SERPIND1: variants seen among roughly 807,000 people sequenced by gnomAD.
SERPIND1 encodes the protein heparin cofactor 2.
In SERPIND1, 34 loss-of-function variants were observed where a neutral mutation model predicts 35.0. That is an observed-to-expected ratio of 0.97 (90% CI 0.74 to 1.29). The LOEUF is 1.29. Among genes scored for constraint, SERPIND1 ranks in the 50% most tolerant of loss-of-function variants. SERPIND1 has a pLI of 0.00. For missense variants in SERPIND1, 633 were observed against 637.7 expected, an observed-to-expected ratio of 0.99 and a Z score of 0.08; for synonymous variants, 236 against 241.1, an observed-to-expected ratio of 0.98 and a Z score of 0.19.
At chr22:20,786,805 A>G in intron 4 of SERPIND1, 70 bp from the exon 5 acceptor site, 2 of 1,425,676 alleles carry the variant, frequency 1.4e-6, no homozygotes, top group Non-Finnish European at 2.0e-6. Context: ...GAATGATATG[A>G]GATTGTGCTG....
Position 20,777,603 on chromosome 22 carries a change from C to CT in SERPIND1, c.-16-1692dup, listed in dbSNP as rs528896939. On this transcript the variant is annotated intron_variant, in intron 1 of 4. Transcript: ENST00000215727. ...TCCTGGGCTCAAGTGATCTTCCTGC[C>CT]TTGGTCTCCCAGTGTTGGGATTATA... Among the ~76,000 whole-genome samples, 223 of 152,348 alleles carry CT rather than the reference C, an allele frequency of 1.5e-3. 1 individual carries two copies. The highest frequency in any genetic ancestry group is 5.8e-3 in the South Asian group (28 of 4,824).
At chr22:20,781,806 G>A (rs921176396) in intron 2 of SERPIND1, among the ~76,000 whole-genome samples, 2 of 152,168 alleles carry the variant, frequency 1.3e-5, no homozygotes, top group East Asian at 1.9e-4. Context: ...GAGTCTAAGC[G>A]CTGGTTTCAC....
intron 2 of SERPIND1, among the ~76,000 whole-genome samples, chr22:20,783,224 T>C (rs1933933915): frequency 1.3e-5 from 2 of 152,142 alleles, no homozygotes; most frequent in East Asian, 3.8e-4. Flanking sequence ...TCTACAGTGG[T>C]GATCCTAAGG....
intron 2 of SERPIND1, among the ~76,000 whole-genome samples, chr22:20,780,494 G>A (rs934018705): frequency 1.3e-5 from 2 of 152,148 alleles, no homozygotes; most frequent in African/African-American, 2.4e-5. Context: ...TGGGCTGGGC[G>A]CGGTGGCTCA....
At chr22:20,780,786 A>C (rs1427434170) in intron 2 of SERPIND1, among the ~76,000 whole-genome samples, 2 of 151,302 alleles carry the variant, frequency 1.3e-5, no homozygotes, top group African/African-American at 2.4e-5. Context: ...AAAAAAAAAA[A>C]AAAAAGAAGT....
chr22:20,786,607 G>C (rs1331058640), intron 4 of SERPIND1, among the ~76,000 whole-genome samples: 2 of 152,188 alleles, frequency 1.3e-5, no homozygotes, highest in Admixed American at 1.3e-4. Context: ...TGGGGAGCTG[G>C]AGCTGGGGTG....
chr22:20,779,902 C>A lies in SERPIND1; in HGVS notation c.590C>A (p.Thr197Asn), dbSNP rs1018289806. ...VNASSKYEIT[T>N]IHNLFRKLTH... ...GCCAGCAGCAAGTATGAAATCACGA[C>A]CATTCATAATCTCTTCCGTAAGCTG... is the stretch of plus-strand genomic sequence containing the variant. The change falls in exon 2 of 5, where the codon ACC (threonine) becomes AAC (asparagine). Residue 197 changes from threonine to asparagine, a missense_variant. By Grantham distance (65) the Thr-to-Asn change is moderately conservative (BLOSUM62 0). Coordinates refer to ENST00000215727, the MANE Select transcript of SERPIND1 (RefSeq NM_000185.4). The A allele has an allele frequency of 4.3e-6, 7 of 1,614,078 alleles. No individual in the cohort carries two copies. In the African/African-American group the frequency reaches 5.3e-5, roughly 12 times the overall value.
chr22:20,774,593 T>C (rs1378867085), intron 1 of SERPIND1, among the ~76,000 whole-genome samples: 1 of 151,904 alleles, frequency 6.6e-6, no homozygotes, highest in Non-Finnish European at 1.5e-5. Context: ...AAGCCAAGTC[T>C]CTACTAAAAA....
intron 4 of SERPIND1, 45 bp from the exon 5 acceptor site, chr22:20,786,830 C>G (rs1392519089): frequency 2.5e-6 from 4 of 1,582,002 alleles, no homozygotes; most frequent in Admixed American, 1.7e-5. Context: ...CTCTAGCCCT[C>G]TGTGTGCTGA....
Position 20,784,085 on chromosome 22 carries a change from G to T in SERPIND1, c.1003G>T (p.Ala335Ser). ...GCAGACCAAGGGGAACTTCCTCGCA[G>T]CAAATGACCAGGAGCTGGACTGCGA... ...MMQTKGNFLA[A>S]NDQELDCDIL... Residue 335 changes from alanine (A) to serine (S), a missense_variant, in exon 3 of 5, where the codon GCA becomes TCA. By Grantham distance (99) the Ala-to-Ser change is moderately conservative. Transcript: ENST00000215727. The T allele has an allele frequency of 6.2e-7, 1 of 1,614,186 alleles. No individual in the cohort carries two copies. Among genetic ancestry groups the T allele is most frequent in the Non-Finnish European group, 8.5e-7 (1 of 1,180,038 alleles).
chr22:20,782,929 C>G (rs1933910461), intron 2 of SERPIND1, among the ~76,000 whole-genome samples: 1 of 152,214 alleles, frequency 6.6e-6, no homozygotes, highest in South Asian at 2.1e-4. Flanking sequence ...AAGACACCTC[C>G]TGCTCATCTC....
rs1320384763 is a variant in SERPIND1 at position 20,783,578 on chromosome 22, C to T, written c.890-394C>T. ...GCTGCAGTGAGCTATGATGGCATCG[C>T]CGCACTCCAGCCTGCATGACACAGT... On this transcript the variant is annotated intron_variant, in intron 2 of 4. Coordinates refer to ENST00000215727, the MANE Select transcript of SERPIND1 (RefSeq NM_000185.4). 2.0e-5 allele frequency among the ~76,000 whole-genome samples: 3 copies of T among 152,228 alleles called. No individual in the cohort carries two copies. In the East Asian group the frequency reaches 5.8e-4, roughly 29 times the overall value.
Position 20,787,064 on chromosome 22 carries a change from T to C in SERPIND1, c.1498T>C (p.Ter500GlnextTer44). The change falls in exon 5 of 5, where the codon TAG (stop) becomes CAG (glutamine). Residue 500 changes from the stop codon to glutamine (Q), a stop_lost. Coordinates refer to ENST00000215727, the MANE Select transcript of SERPIND1 (RefSeq NM_000185.4). ...AAGAGTGGCCAACCCCAGCAGGTCC[T>C]AGAGGTGGAGGTCTAGGTGTCTGAA... Reference protein sequence around the residue: ...MGRVANPSRS* With the variant: ...MGRVANPSRSQ 6.2e-7 allele frequency: 1 copy of C among 1,614,036 alleles called. No homozygotes were observed. The highest frequency in any genetic ancestry group is 8.5e-7 in the Non-Finnish European group (1 of 1,179,936).
At position 20,783,955 on chromosome 22, in the gene SERPIND1, TCCTGTGG is replaced by T; in HGVS notation, c.890-13_890-7del. On this transcript the variant is annotated splice_polypyrimidine_tract_variant and intron_variant, in intron 2 of 4. Coordinates refer to ENST00000215727, the MANE Select transcript of SERPIND1 (RefSeq NM_000185.4). Reference sequence around the variant, plus strand: ...AAGGAACCTTCTCATAACAGCCTCTTCCTGTGGCCTTTACAGGATCCTGGGTGAATAA... The same window carrying T: ...AAGGAACCTTCTCATAACAGCCTCTTCCTTTACAGGATCCTGGGTGAATAA... The T allele has an allele frequency of 2.5e-6, 4 of 1,614,212 alleles. No homozygotes were observed. Among genetic ancestry groups the T allele is most frequent in the Non-Finnish European group, 3.4e-6 (4 of 1,180,032 alleles).
Position 20,784,138 on chromosome 22 carries a change from C to A in SERPIND1, c.1056C>A (p.Gly352=). ...CDILQLEYVG[G]ISMLIVVPHK... ...TCCTCCAGCTGGAATACGTGGGGGG[C>A]ATCAGCATGCTAATTGTGGTCCCAC... Residue 352 remains glycine (G), a synonymous_variant, in exon 3 of 5, where the codon GGC becomes GGA. Transcript: ENST00000215727. 1 of 1,614,146 alleles carries A rather than the reference C, an allele frequency of 6.2e-7. No homozygotes were observed.
Position 20,786,161 on chromosome 22 carries a change from T to A in SERPIND1, c.1308+13T>A. On this transcript the variant is annotated intron_variant, in intron 4 of 4. Coordinates refer to ENST00000215727, the MANE Select transcript of SERPIND1 (RefSeq NM_000185.4). ...CGCCATCGACCTGGTAACCACTCCCTTGTCCACCCCCGACCCGTCCCCAGG... is the reference window on the plus strand; with the variant it reads ...CGCCATCGACCTGGTAACCACTCCCATGTCCACCCCCGACCCGTCCCCAGG... 6.2e-7 allele frequency: 1 copy of A among 1,613,776 alleles called. No individual in the cohort carries two copies. The highest frequency in any genetic ancestry group is 1.1e-5 in the South Asian group (1 of 91,066).
intron 4 of SERPIND1, among the ~76,000 whole-genome samples, chr22:20,786,382 G>A (rs982421771): frequency 6.6e-6 from 1 of 152,184 alleles, no homozygotes; most frequent in Non-Finnish European, 1.5e-5. Context: ...GCAGCCATGG[G>A]GTGAGCCCCA....
chr22:20,779,650 T>A lies in SERPIND1; in HGVS notation c.338T>A (p.Ile113Asn). Reference protein sequence around the residue: ...PTDSDVSAGNILQLFHGKSRI... With the variant: ...PTDSDVSAGNNLQLFHGKSRI... ...GACTCTGATGTGAGTGCTGGGAACA[T>A]CCTCCAGCTTTTTCATGGCAAGAGC... is the stretch of plus-strand genomic sequence containing the variant. The change falls in exon 2 of 5, where the codon ATC (isoleucine) becomes AAC (asparagine). Residue 113 changes from isoleucine to asparagine, a missense_variant. Physicochemically the swap from Ile to Asn is moderately radical, Grantham distance 149 (BLOSUM62 -3). Coordinates refer to ENST00000215727, the MANE Select transcript of SERPIND1 (RefSeq NM_000185.4). The A allele has an allele frequency of 6.2e-7, 1 of 1,613,994 alleles. No individual in the cohort carries two copies. The highest frequency in any genetic ancestry group is 1.3e-5 in the African/African-American group (1 of 75,044).
intron 1 of SERPIND1, among the ~76,000 whole-genome samples, chr22:20,774,973 C>T (rs916432709): frequency 7.9e-5 from 12 of 152,024 alleles, no homozygotes; most frequent in Admixed American, 3.9e-4. Flanking sequence ...TGTTCTACTA[C>T]ACTATTCTTT....
Sources: allele counts gnomAD v4.1 joint callset (sites outside exome capture counted in the v4.1 genomes callset), GRCh38; gene constraint gnomAD v4.1.1; transcripts MANE v1.5; gene names NCBI Gene and HGNC (gene_info 2026-07-23, HGNC 2026-07-21).